CSMD1: variants seen among roughly 807,000 people sequenced by gnomAD.
CSMD1 encodes CUB and sushi domain-containing protein 1.
Under a neutral mutation model 417.5 loss-of-function variants are expected in CSMD1, and 213 were observed. The ratio of observed to expected loss-of-function variants is 0.51; its 90% CI spans 0.46 to 0.57. The LOEUF (loss-of-function observed/expected upper bound fraction) is 0.57, where lower values mean the gene tolerates loss of function less well. Among genes scored for constraint, CSMD1 ranks in the 20% least tolerant of loss-of-function variants. CSMD1 has a pLI of 0.00. For synonymous variants in CSMD1, 2,862 were observed against 1,736.8 expected (o/e 1.65, Z -16.11); for missense variants, 6,923 against 4,529.7 (o/e 1.53, Z -15.17).
intron 3 of CSMD1, among the ~76,000 whole-genome samples, chr8:4,374,746 G>A (rs923259968): frequency 1.3e-5 from 2 of 152,192 alleles, no homozygotes; most frequent in Non-Finnish European, 2.9e-5. Flanking sequence ...CAGCAGAGAC[G>A]TCCAAGTGGT....
intron 50 of CSMD1, among the ~76,000 whole-genome samples, chr8:3,032,518 G>A (rs1196354025): frequency 2.6e-5 from 4 of 151,908 alleles, no homozygotes; most frequent in Admixed American, 2.6e-4. Context: ...AAAATAATGT[G>A]GCAAAAATCT....
intron 8 of CSMD1, among the ~76,000 whole-genome samples, chr8:3,615,126 C>T (rs967011850): frequency 3.9e-5 from 6 of 152,128 alleles, no homozygotes; most frequent in African/African-American, 1.4e-4. Context: ...TGTTAGCTGC[C>T]AGCTGGTGCA....
At chr8:3,590,421 C>T (rs1403235092) in intron 8 of CSMD1, among the ~76,000 whole-genome samples, 1 of 152,150 alleles carries the variant, frequency 6.6e-6, no homozygotes, top group South Asian at 2.1e-4. Flanking sequence ...TCGGCTCTTA[C>T]TCTTCTCAGA....
chr8:3,569,065 C>T (rs1166215369), intron 10 of CSMD1, among the ~76,000 whole-genome samples: 1 of 152,102 alleles, frequency 6.6e-6, no homozygotes, highest in Non-Finnish European at 1.5e-5. Context: ...TTATACATAT[C>T]ATATAATATT....
intron 51 of CSMD1, among the ~76,000 whole-genome samples, chr8:3,021,341 A>G (rs1252796443): frequency 6.6e-6 from 1 of 152,240 alleles, no homozygotes; most frequent in Admixed American, 6.5e-5. Flanking sequence ...GTTTCCTTGT[A>G]TGGTAGTAAA....
chr8:4,832,815 C>A (rs1480438818), intron 1 of CSMD1, among the ~76,000 whole-genome samples: 3 of 152,054 alleles, frequency 2.0e-5, no homozygotes, highest in African/African-American at 7.2e-5. Context: ...TCCTCAGGGT[C>A]AGTCATCTCA....
intron 3 of CSMD1, among the ~76,000 whole-genome samples, chr8:4,331,457 C>G (rs1341930349): frequency 2.0e-5 from 3 of 152,130 alleles, no homozygotes; most frequent in Non-Finnish European, 1.5e-5. Flanking sequence ...GTAACGAGAG[C>G]CTTGCCAGCC....
intron 10 of CSMD1, among the ~76,000 whole-genome samples, chr8:3,513,408 C>T (rs757159101): frequency 6.6e-6 from 1 of 151,038 alleles, no homozygotes; most frequent in Non-Finnish European, 1.5e-5. Flanking sequence ...CTCACTGCAA[C>T]CTCTGCCTCC....
intron 3 of CSMD1, among the ~76,000 whole-genome samples, chr8:4,202,136 A>G (rs531016195): frequency 6.6e-6 from 1 of 152,158 alleles, no homozygotes; most frequent in African/African-American, 2.4e-5. Flanking sequence ...ACATCTTTCA[A>G]TCAGCCATTT....
At chr8:4,838,218 C>G (rs1483117340) in intron 1 of CSMD1, among the ~76,000 whole-genome samples, 2 of 152,164 alleles carry the variant, frequency 1.3e-5, no homozygotes, top group South Asian at 4.1e-4. Flanking sequence ...TTTGAGATCT[C>G]CTTAGGGTTT....
intron 1 of CSMD1, among the ~76,000 whole-genome samples, chr8:4,668,726 C>T (rs1805110247): frequency 6.6e-6 from 1 of 151,946 alleles, no homozygotes; most frequent in Non-Finnish European, 1.5e-5. Flanking sequence ...AAAACATTAC[C>T]AGTTTGCCTA....
chr8:4,926,257 G>T (rs76487492), intron 1 of CSMD1, among the ~76,000 whole-genome samples: 3,420 of 152,256 alleles, frequency 0.022, 47 homozygotes, highest in South Asian at 0.036. Context: ...ATGAATAAAT[G>T]GATGTATCAC....
At chr8:3,209,327 T>G (rs1468423853) in intron 30 of CSMD1, among the ~76,000 whole-genome samples, 1 of 152,046 alleles carries the variant, frequency 6.6e-6, no homozygotes, top group Non-Finnish European at 1.5e-5. Context: ...TTATATTTAT[T>G]TATTTTTGAG....
chr8:4,215,410 T>C (rs1019164921), intron 3 of CSMD1, among the ~76,000 whole-genome samples: 2 of 152,140 alleles, frequency 1.3e-5, no homozygotes, highest in Admixed American at 6.5e-5. Flanking sequence ...AAAGATACCA[T>C]GTCTGAATCA....
chr8:4,804,310 T>C (rs536313652), intron 1 of CSMD1, among the ~76,000 whole-genome samples: 11 of 152,300 alleles, frequency 7.2e-5, no homozygotes, highest in African/African-American at 2.2e-4. Context: ...CAATTAATAA[T>C]TGAAAAACTC....
At chr8:4,120,621 G>A (rs781161778) in intron 3 of CSMD1, among the ~76,000 whole-genome samples, 2 of 152,232 alleles carry the variant, frequency 1.3e-5, no homozygotes, top group African/African-American at 2.4e-5. Context: ...TAGACAGTCT[G>A]TGTACCTGCC....
chr8:4,059,894 A>G (rs1426155584), intron 3 of CSMD1, among the ~76,000 whole-genome samples: 1 of 151,630 alleles, frequency 6.6e-6, no homozygotes. Flanking sequence ...TTCCTTCTGA[A>G]ACTATTCCAA....
chr8:4,153,560 A>G (rs111414232), intron 3 of CSMD1, among the ~76,000 whole-genome samples: 15 of 152,194 alleles, frequency 9.9e-5, no homozygotes, highest in African/African-American at 3.6e-4. Flanking sequence ...GCCTCCACGC[A>G]ATCATGGGAA....
chr8:4,679,412 ATAAT>A (rs1202411509), intron 1 of CSMD1, among the ~76,000 whole-genome samples: 3 of 152,368 alleles, frequency 2.0e-5, no homozygotes, highest in East Asian at 1.9e-4. Flanking sequence ...AATTAAAATA[ATAAT>A]TAAAGTAGTA....
Sources: allele counts gnomAD v4.1 joint callset (sites outside exome capture counted in the v4.1 genomes callset), GRCh38; gene constraint gnomAD v4.1.1; transcripts MANE v1.5; gene names NCBI Gene and HGNC (gene_info 2026-07-23, HGNC 2026-07-21).